IL17RD: variants seen among roughly 807,000 people sequenced by gnomAD.
The protein encoded by IL17RD is interleukin-17 receptor D.
IL17RD carries 52 observed loss-of-function variants against 80.5 expected under a neutral mutation model. That is an observed-to-expected ratio of 0.65 (90% CI 0.52 to 0.81). IL17RD has a LOEUF of 0.81. Among genes scored for constraint, IL17RD ranks in the 40% least tolerant of loss-of-function variants. The probability of loss-of-function intolerance (pLI) is 0.00; values close to 1 mark genes in which losing one functional copy is unlikely to be tolerated. For synonymous variants in IL17RD, 416 were observed against 391.8 expected (o/e 1.06, Z -0.73); for missense variants, 1,024 against 955.1 (o/e 1.07, Z -0.95).
chr3:57,161,868 T>C (rs1340056585), intron 1 of IL17RD, among the ~76,000 whole-genome samples: 2 of 152,220 alleles, frequency 1.3e-5, no homozygotes, highest in Non-Finnish European at 2.9e-5. Context: ...GTTTTACAAA[T>C]CATTACTTCT....
intron 1 of IL17RD, among the ~76,000 whole-genome samples, chr3:57,142,945 AAAGTTTCCCTTC>A (rs1276188727): frequency 2.0e-5 from 3 of 152,314 alleles, no homozygotes; most frequent in African/African-American, 7.2e-5. Flanking sequence ...AATCTGTTAT[AAAGTTTCCCTTC>A]ATTTTCAGAG....
Position 57,163,790 on chromosome 3 carries a change from GGGC to G in IL17RD, c.126+1368_126+1370del, listed in dbSNP as rs1416245986. Among the ~76,000 whole-genome samples the G allele has an allele frequency of 9.7e-3, 1,014 of 104,184 alleles. 59 individuals are homozygous for G. Among genetic ancestry groups the G allele is most frequent in the African/African-American group, 0.031 (656 of 20,964 alleles). The allele number at this position is 104,184 out of a possible 152,430, so 68.3% of individuals were successfully genotyped here. On this transcript the variant is annotated intron_variant, in intron 1 of 12. Transcript: ENST00000296318. ...AATGACAGAGCCTAATGGGGCGGGGGGGCGGGGGGGGAAGGGGGTGGCGGGGGC... is the reference window on the plus strand; with the variant it reads ...AATGACAGAGCCTAATGGGGCGGGGGGGGGGGGGAAGGGGGTGGCGGGGGC...
chr3:57,160,366 T>C (rs938469368), intron 1 of IL17RD, among the ~76,000 whole-genome samples: 14 of 152,142 alleles, frequency 9.2e-5, no homozygotes, highest in African/African-American at 2.9e-4. Flanking sequence ...TTAAAAGCAC[T>C]AGCAGTTCTT....
At chr3:57,135,633 C>T (rs1326973042) in intron 1 of IL17RD, among the ~76,000 whole-genome samples, 1 of 152,152 alleles carries the variant, frequency 6.6e-6, no homozygotes, top group Non-Finnish European at 1.5e-5. Context: ...ATAACATTTG[C>T]TCTCATAAAT....
At chr3:57,109,505 C>T (rs2107482068) in intron 5 of IL17RD, 32 bp downstream of exon 5, 1 of 1,598,028 alleles carries the variant, frequency 6.3e-7, no homozygotes, top group Non-Finnish European at 8.5e-7. Flanking sequence ...AAAGTCTTCT[C>T]ATGGGAACCA....
At chr3:57,116,983 C>T (rs1286974097) in intron 2 of IL17RD, among the ~76,000 whole-genome samples, 1 of 151,556 alleles carries the variant, frequency 6.6e-6, no homozygotes, top group African/African-American at 2.4e-5. Context: ...AATCAAACAG[C>T]TCTGAAAAGA....
chr3:57,153,050 T>C (rs3968279), intron 1 of IL17RD, among the ~76,000 whole-genome samples: 36,759 of 152,092 alleles, frequency 0.24, 5,774 homozygotes, highest in African/African-American at 0.41. Flanking sequence ...TCTTGAGAAA[T>C]AGCACTCCTC....
In IL17RD at chr3:57,102,496, C is replaced by A. The variant is rs1156552128; in HGVS notation, c.962G>T (p.Cys321Phe). 1 of 1,561,036 alleles carries A rather than the reference C, an allele frequency of 6.4e-7. No homozygotes were observed. The highest frequency in any genetic ancestry group is 8.8e-7 in the Non-Finnish European group (1 of 1,140,374). ...AGAGATACCTTGTTGCTTCTTGCGG[C>A]ACATCACAGTGAAGAGCGTCGCGAA... is the stretch of plus-strand genomic sequence containing the variant. ...SAFATLFTVM[C>F]RKKQQENIYS... Residue 321 changes from cysteine (C) to phenylalanine (F), a missense_variant, in exon 10 of 13, where the codon TGC (cysteine) becomes TTC (phenylalanine). Coordinates refer to ENST00000296318, the MANE Select transcript of IL17RD (RefSeq NM_017563.5).
At position 57,155,346 on chromosome 3, in the gene IL17RD, T is replaced by C. The variant is rs997396807; in HGVS notation, c.126+9815A>G. On this transcript the variant is annotated intron_variant, in intron 1 of 12. Coordinates refer to ENST00000296318, the MANE Select transcript of IL17RD (RefSeq NM_017563.5). ...TTCTCATCCACAGCACAGGGTAAAGTAGACAGTCCAAGCAACCCCCTCAAG... is the reference window on the plus strand; with the variant it reads ...TTCTCATCCACAGCACAGGGTAAAGCAGACAGTCCAAGCAACCCCCTCAAG... Among the ~76,000 whole-genome samples the C allele has an allele frequency of 3.3e-5, 5 of 152,220 alleles. No homozygotes were observed. In the South Asian group the frequency reaches 6.2e-4, roughly 19 times the overall value.
intron 1 of IL17RD, among the ~76,000 whole-genome samples, chr3:57,129,859 G>T (rs6796041): frequency 0.25 from 38,055 of 151,986 alleles, 6,020 homozygotes; most frequent in African/African-American, 0.42. Flanking sequence ...TTTTCAAAAT[G>T]TGTGGCTTTC....
rs1425078454 is a variant in IL17RD at position 57,092,913 on chromosome 3, G to A, written c.*3480C>T. ...AGTGGACCAAATCAGGTCCATCCATGTCTTCTGCTGGGTCTAAATTCACTT... is the reference window on the plus strand; with the variant it reads ...AGTGGACCAAATCAGGTCCATCCATATCTTCTGCTGGGTCTAAATTCACTT... On this transcript the variant is annotated 3_prime_UTR_variant, in exon 13 of 13. Coordinates refer to ENST00000296318, the MANE Select transcript of IL17RD (RefSeq NM_017563.5). 6.6e-6 allele frequency: 1 copy of A among 152,166 alleles called. No individual in the cohort carries two copies. The highest frequency in any genetic ancestry group is 2.4e-5 in the African/African-American group (1 of 41,424). The allele number at this position is 152,166 out of a possible 1,614,324, so 9.4% of individuals were successfully genotyped here.
chr3:57,119,333 C>T (rs547332591), intron 2 of IL17RD, among the ~76,000 whole-genome samples: 2 of 146,146 alleles, frequency 1.4e-5, no homozygotes, highest in South Asian at 2.2e-4. Flanking sequence ...GCCTGGGCGA[C>T]AGAGCGAGAC....
chr3:57,096,586 G>A (rs1184717580), intron 12 of IL17RD, 81 bp from the exon 13 acceptor site: 5 of 1,011,710 alleles, frequency 4.9e-6, no homozygotes, highest in Non-Finnish European at 7.9e-6. Flanking sequence ...GAATGTGACT[G>A]GATCTGGGTT....
At chr3:57,098,559 C>T (rs1706755431) in intron 11 of IL17RD, 21 bp from the exon 12 acceptor site, 2 of 1,517,644 alleles carry the variant, frequency 1.3e-6, no homozygotes, top group Admixed American at 3.9e-5. Flanking sequence ...AACAAGGCAC[C>T]TCACCCATAC....
chr3:57,096,523 T>G lies in IL17RD; in HGVS notation c.2108-18A>C. ...CTCCTCACCTAAGGAGAGAAGAGAG[T>G]ACAGAGTCACACTGTCATTGCATTT... On this transcript the variant is annotated intron_variant, in intron 12 of 12. Transcript: ENST00000296318. 1 of 1,507,476 alleles carries G rather than the reference T, an allele frequency of 6.6e-7. No individual in the cohort carries two copies. Among genetic ancestry groups the G allele is most frequent in the Non-Finnish European group, 9.2e-7 (1 of 1,083,112 alleles). 93.4% of individuals were successfully genotyped at this position (1,507,476 alleles called of 1,614,324 possible). A position where few individuals can be genotyped will look rare whatever the true frequency, so the allele number is the denominator to read the frequency against.
chr3:57,153,504 G>T (rs1050818396), intron 1 of IL17RD, among the ~76,000 whole-genome samples: 1 of 152,216 alleles, frequency 6.6e-6, no homozygotes, highest in African/African-American at 2.4e-5. Flanking sequence ...TATTAAAGGA[G>T]GCTAAAGAGA....
At chr3:57,125,384 G>A (rs1273496086) in intron 1 of IL17RD, among the ~76,000 whole-genome samples, 1 of 151,884 alleles carries the variant, frequency 6.6e-6, no homozygotes. Flanking sequence ...TCCAGCCTAG[G>A]CAAAAAGAGT....
intron 1 of IL17RD, among the ~76,000 whole-genome samples, chr3:57,127,930 T>TAA (rs1707529656): frequency 6.6e-6 from 1 of 152,118 alleles, no homozygotes; most frequent in South Asian, 2.1e-4. Context: ...GTTCAAACCT[T>TAA]TAACAACAAC....
At chr3:57,113,184 T>C (rs1201657339) in intron 3 of IL17RD, among the ~76,000 whole-genome samples, 2 of 152,206 alleles carry the variant, frequency 1.3e-5, no homozygotes, top group South Asian at 2.1e-4. Context: ...AACCCGAATC[T>C]AGCCATATAA....
Sources: gnomAD v4.1 joint callset for allele counts (sites outside exome capture counted in the v4.1 genomes callset) on GRCh38, gnomAD v4.1.1 for gene constraint, MANE v1.5 for transcripts, NCBI Gene and HGNC (gene_info 2026-07-23, HGNC 2026-07-21) for gene names.